Variants in PCDHA12 observed in about 807,000 individuals in gnomAD.
PCDHA12 encodes protocadherin alpha 12.
Under a neutral mutation model 60.0 loss-of-function variants are expected in PCDHA12, and 44 were observed. The ratio of observed to expected loss-of-function variants is 0.73; its 90% CI spans 0.58 to 0.94. The LOEUF (loss-of-function observed/expected upper bound fraction) is 0.94. PCDHA12 is among the 40% of genes least tolerant of loss of function. PCDHA12 has a pLI of 0.00. For synonymous variants in PCDHA12, 569 were observed against 553.0 expected (o/e 1.03, Z -0.40); for missense variants, 1,276 against 1,239.7 (o/e 1.03, Z -0.44).
intron 1 of PCDHA12, chr5:140,883,520 G>T (rs1554178526): frequency 6.2e-7 from 1 of 1,614,104 alleles, no homozygotes; most frequent in African/African-American, 1.3e-5. Context: ...CCGCGAGAGC[G>T]TATCAGCCTA....
intron 1 of PCDHA12, among the ~76,000 whole-genome samples, chr5:140,900,751 G>A (rs781973754): frequency 1.3e-5 from 2 of 152,060 alleles, no homozygotes; most frequent in African/African-American, 2.4e-5. Context: ...GGATCACTTG[G>A]TAGCTCTATT....
chr5:140,932,493 T>C (rs148938081), intron 1 of PCDHA12, among the ~76,000 whole-genome samples: 1 of 151,888 alleles, frequency 6.6e-6, no homozygotes, highest in Non-Finnish European at 1.5e-5. Flanking sequence ...CTTTGCAATG[T>C]CATTTGTTAA....
intron 1 of PCDHA12, chr5:140,969,147 A>C (rs781909774): frequency 1.2e-6 from 2 of 1,614,172 alleles, no homozygotes; most frequent in South Asian, 2.2e-5. Flanking sequence ...TACTGCTACA[A>C]GGCCTGTCTG....
At chr5:140,947,957 A>G (rs2094196859) in intron 1 of PCDHA12, among the ~76,000 whole-genome samples, 1 of 151,542 alleles carries the variant, frequency 6.6e-6, no homozygotes, top group African/African-American at 2.4e-5. Flanking sequence ...ATATTTTACA[A>G]TTAAGTATGT....
chr5:140,882,997 C>T, intron 1 of PCDHA12: 1 of 1,614,062 alleles, frequency 6.2e-7, no homozygotes, highest in East Asian at 2.2e-5. Context: ...CGGAATTTTA[C>T]CAATCCGTTT....
intron 1 of PCDHA12, among the ~76,000 whole-genome samples, chr5:140,963,211 G>A (rs185560728): frequency 0.016 from 2,496 of 152,042 alleles, 69 homozygotes; most frequent in African/African-American, 0.056. Flanking sequence ...AAAAAACCTC[G>A]TGTTTAGAGT....
At chr5:140,917,699 A>G (rs980073163) in intron 1 of PCDHA12, among the ~76,000 whole-genome samples, 1 of 152,058 alleles carries the variant, frequency 6.6e-6, no homozygotes, top group Non-Finnish European at 1.5e-5. Flanking sequence ...AGATCAGATA[A>G]TTGTAGGTGT....
At chr5:140,908,728 C>T (rs2074119712) in intron 1 of PCDHA12, among the ~76,000 whole-genome samples, 1 of 152,202 alleles carries the variant, frequency 6.6e-6, no homozygotes, top group Non-Finnish European at 1.5e-5. Context: ...GGTCATATGG[C>T]TCGAGAAACA....
intron 1 of PCDHA12, among the ~76,000 whole-genome samples, chr5:140,976,972 C>T (rs969505831): frequency 2.6e-5 from 4 of 152,182 alleles, no homozygotes; most frequent in Non-Finnish European, 5.9e-5. Flanking sequence ...TTCCTTTTCC[C>T]TGCCTGATCT....
chr5:140,975,964 T>C (rs1554237162), intron 1 of PCDHA12, among the ~76,000 whole-genome samples: 2 of 152,218 alleles, frequency 1.3e-5, no homozygotes, highest in South Asian at 2.1e-4. Flanking sequence ...TCTTCACCAA[T>C]AGAAAGTAAG....
chr5:140,895,023 T>C (rs781895966), intron 1 of PCDHA12, among the ~76,000 whole-genome samples: 2 of 152,204 alleles, frequency 1.3e-5, no homozygotes, highest in Non-Finnish European at 2.9e-5. Flanking sequence ...TTTCCTTTGT[T>C]TAATTGTCCC....
At chr5:140,989,894 T>C (rs907697062) in intron 3 of PCDHA12, among the ~76,000 whole-genome samples, 7 of 151,812 alleles carry the variant, frequency 4.6e-5, no homozygotes, top group Admixed American at 3.3e-4. Context: ...GTCTCCGTTA[T>C]TCACAATCAG....
intron 1 of PCDHA12, chr5:140,967,270 C>G (rs782562333): frequency 6.2e-7 from 1 of 1,613,488 alleles, no homozygotes; most frequent in Non-Finnish European, 8.5e-7. Context: ...CGCGCTTTCA[C>G]ATAGAGAGTG....
chr5:140,902,953 C>G (rs549407032), intron 1 of PCDHA12, among the ~76,000 whole-genome samples: 1 of 152,162 alleles, frequency 6.6e-6, no homozygotes, highest in East Asian at 1.9e-4. Context: ...TCTTTATCCA[C>G]TTGTTGGCTG....
chr5:140,962,061 T>C (rs1554225775), intron 1 of PCDHA12, among the ~76,000 whole-genome samples: 2 of 151,824 alleles, frequency 1.3e-5, no homozygotes, highest in Non-Finnish European at 1.5e-5. Context: ...TTTTTTTGTA[T>C]TTTTTAGTAG....
chr5:140,900,817 A>G (rs2068314504), intron 1 of PCDHA12, among the ~76,000 whole-genome samples: 1 of 152,154 alleles, frequency 6.6e-6, no homozygotes, highest in Non-Finnish European at 1.5e-5. Context: ...ACTAATTTAC[A>G]TTCCCACCAA....
intron 1 of PCDHA12, among the ~76,000 whole-genome samples, chr5:140,900,589 C>T (rs782244593): frequency 1.5e-4 from 23 of 152,164 alleles, no homozygotes; most frequent in South Asian, 1.2e-3. Flanking sequence ...TTTCTTTACC[C>T]GTTCATCTGA....
At chr5:140,993,532 AG>A (rs2097571069) in intron 3 of PCDHA12, among the ~76,000 whole-genome samples, 7 of 152,102 alleles carry the variant, frequency 4.6e-5, no homozygotes, top group African/African-American at 1.7e-4. Context: ...ACAGAGAGAG[AG>A]AGAGATAGAG....
intron 1 of PCDHA12, among the ~76,000 whole-genome samples, chr5:140,878,493 C>A (rs1339637878): frequency 6.6e-6 from 1 of 152,008 alleles, no homozygotes; most frequent in Non-Finnish European, 1.5e-5. Context: ...AATATTTAAC[C>A]ATCTGTACGA....
Sources: gnomAD v4.1 joint callset for allele counts (sites outside exome capture counted in the v4.1 genomes callset) on GRCh38, gnomAD v4.1.1 for gene constraint, MANE v1.5 for transcripts, NCBI Gene and HGNC (gene_info 2026-07-23, HGNC 2026-07-21) for gene names.